The following MNAT1 variants were observed in gnomAD, a reference collection of about 807,000 sequenced individuals.
MNAT1 encodes the protein CDK-activating kinase assembly factor MAT1.
MNAT1 carries 43 observed loss-of-function variants against 42.0 expected under a neutral mutation model. The observed-to-expected ratio is 1.02, with a 90% CI of 0.80 to 1.32. The LOEUF (loss-of-function observed/expected upper bound fraction) is 1.32, where lower values mean the gene tolerates loss of function less well. Among genes scored for constraint, MNAT1 ranks in the 40% most tolerant of loss-of-function variants. MNAT1 has a pLI of 0.00. For synonymous variants in MNAT1, 118 were observed against 120.0 expected, an observed-to-expected ratio of 0.98 and a Z score of 0.11; for missense variants, 306 against 350.4, an observed-to-expected ratio of 0.87 and a Z score of 1.01.
chr14:60,964,096 G>A (rs1209207819), intron 7 of MNAT1, among the ~76,000 whole-genome samples: 3 of 152,180 alleles, frequency 2.0e-5, no homozygotes, highest in Admixed American at 1.3e-4. Flanking sequence ...GCACTCCTAT[G>A]TTAAAGAACT....
intron 1 of MNAT1, among the ~76,000 whole-genome samples, chr14:60,736,016 T>G (rs1010055437): frequency 6.6e-6 from 1 of 152,242 alleles, no homozygotes; most frequent in African/African-American, 2.4e-5. Context: ...ATTGCATGAT[T>G]AGCTGTAGCT....
intron 1 of MNAT1, among the ~76,000 whole-genome samples, chr14:60,785,003 C>G (rs1245832475): frequency 6.6e-6 from 1 of 152,028 alleles, no homozygotes; most frequent in African/African-American, 2.4e-5. Context: ...CAGGTGTGTA[C>G]CACCATGCCC....
At chr14:60,932,024 C>G (rs2035897604) in intron 7 of MNAT1, among the ~76,000 whole-genome samples, 1 of 151,834 alleles carries the variant, frequency 6.6e-6, no homozygotes, top group Non-Finnish European at 1.5e-5. Context: ...CTTACTCTTA[C>G]TAATTTTTTC....
chr14:60,916,379 G>A (rs2035514158), intron 7 of MNAT1, among the ~76,000 whole-genome samples: 1 of 152,204 alleles, frequency 6.6e-6, no homozygotes, highest in Non-Finnish European at 1.5e-5. Flanking sequence ...ATTGGGCCAG[G>A]TGCTATGGCT....
intron 1 of MNAT1, among the ~76,000 whole-genome samples, chr14:60,789,875 T>A (rs755847147): frequency 1.3e-5 from 2 of 152,214 alleles, no homozygotes; most frequent in Non-Finnish European, 2.9e-5. Context: ...TATAATTTGT[T>A]GAGCTGTTGC....
At chr14:60,968,078 A>G (rs903753625) in intron 7 of MNAT1, 151 bp from the exon 8 acceptor site, 49 of 565,168 alleles carry the variant, frequency 8.7e-5, no homozygotes, top group Non-Finnish European at 2.1e-5. Context: ...TTTCCTTTTG[A>G]AAGATAATAA....
chr14:60,912,136 A>T (rs1234607419), intron 7 of MNAT1, among the ~76,000 whole-genome samples: 3 of 152,108 alleles, frequency 2.0e-5, no homozygotes, highest in Non-Finnish European at 4.4e-5. Flanking sequence ...AGAGACTAGG[A>T]TTGCAACCCC....
intron 1 of MNAT1, among the ~76,000 whole-genome samples, chr14:60,793,148 C>A (rs1399166890): frequency 2.0e-5 from 3 of 151,172 alleles, no homozygotes; most frequent in African/African-American, 7.3e-5. Flanking sequence ...GGGACGCAAG[C>A]GTGTGCCACC....
At chr14:60,800,740 A>C (rs1051574491) in intron 3 of MNAT1, among the ~76,000 whole-genome samples, 6 of 152,354 alleles carry the variant, frequency 3.9e-5, no homozygotes, top group African/African-American at 1.4e-4. Flanking sequence ...TCCTTTAACA[A>C]ACTTATTTAA....
At chr14:60,861,516 G>GT (rs1188329915) in intron 6 of MNAT1, among the ~76,000 whole-genome samples, 1 of 151,488 alleles carries the variant, frequency 6.6e-6, no homozygotes, top group Admixed American at 6.6e-5. Context: ...ATGTCATTAG[G>GT]TTTTTTTCAC....
At chr14:60,738,958 T>C (rs1293647273) in intron 1 of MNAT1, among the ~76,000 whole-genome samples, 1 of 152,164 alleles carries the variant, frequency 6.6e-6, no homozygotes, top group East Asian at 1.9e-4. Context: ...CAGGTATTAT[T>C]TTGCTGAATG....
intron 7 of MNAT1, among the ~76,000 whole-genome samples, chr14:60,894,723 C>A (rs921245299): frequency 1.3e-5 from 2 of 151,824 alleles, no homozygotes; most frequent in African/African-American, 2.4e-5. Context: ...GGTGGTAGGG[C>A]CTTCATCAAG....
intron 5 of MNAT1, among the ~76,000 whole-genome samples, chr14:60,813,485 C>A (rs1332551495): frequency 1.3e-5 from 2 of 152,054 alleles, no homozygotes. Context: ...GAGAGAATAT[C>A]CCAAGAATAA....
At chr14:60,889,891 C>G (rs902686783) in intron 7 of MNAT1, among the ~76,000 whole-genome samples, 21 of 152,148 alleles carry the variant, frequency 1.4e-4, no homozygotes, top group African/African-American at 4.3e-4. Context: ...CAAATCAAAA[C>G]CACAATGAGA....
At chr14:60,809,846 A>C (rs1352041636) in intron 4 of MNAT1, among the ~76,000 whole-genome samples, 1 of 152,006 alleles carries the variant, frequency 6.6e-6, no homozygotes, top group Non-Finnish European at 1.5e-5. Context: ...GTCTGGTTTT[A>C]GTATCAGGGT....
intron 1 of MNAT1, among the ~76,000 whole-genome samples, chr14:60,788,320 A>G (rs979382069): frequency 6.6e-6 from 1 of 152,192 alleles, no homozygotes; most frequent in African/African-American, 2.4e-5. Context: ...TAAGCAAACC[A>G]TGCTGTAAAT....
chr14:60,946,139 C>T (rs1393458408), intron 7 of MNAT1, among the ~76,000 whole-genome samples: 1 of 152,204 alleles, frequency 6.6e-6, no homozygotes, highest in Non-Finnish European at 1.5e-5. Context: ...CTCCCTCTTT[C>T]AGATTGAGAT....
intron 1 of MNAT1, among the ~76,000 whole-genome samples, chr14:60,773,162 C>T (rs2031125450): frequency 6.6e-6 from 1 of 152,104 alleles, no homozygotes; most frequent in Admixed American, 6.6e-5. Flanking sequence ...TGGTCTCGAT[C>T]TCCTAACCTC....
intron 7 of MNAT1, among the ~76,000 whole-genome samples, chr14:60,897,330 A>G (rs2034977579): frequency 6.6e-6 from 1 of 152,126 alleles, no homozygotes; most frequent in African/African-American, 2.4e-5. Context: ...ATTTATGTAA[A>G]TATATGCATT....
Sources: gnomAD v4.1 joint callset for allele counts (sites outside exome capture counted in the v4.1 genomes callset) on GRCh38, gnomAD v4.1.1 for gene constraint, MANE v1.5 for transcripts, NCBI Gene and HGNC (gene_info 2026-07-23, HGNC 2026-07-21) for gene names.